TCF12: variants seen among roughly 807,000 people sequenced by gnomAD.
The protein encoded by TCF12 is DNA-binding protein HTF4.
Under a neutral mutation model 86.0 loss-of-function variants are expected in TCF12, and 45 were observed. The observed-to-expected ratio is 0.52, with a 90% CI of 0.41 to 0.67. TCF12 has a LOEUF of 0.67. Among genes scored for constraint, TCF12 ranks in the 30% least tolerant of loss-of-function variants. TCF12 has a pLI of 0.00. For synonymous variants in TCF12, 330 were observed against 299.6 expected (o/e 1.10, Z -1.05); for missense variants, 881 against 859.9 (o/e 1.02, Z -0.31).
chr15:57,017,984 A>C (rs1388057193), intron 3 of TCF12, among the ~76,000 whole-genome samples: 1 of 152,128 alleles, frequency 6.6e-6, no homozygotes, highest in Non-Finnish European at 1.5e-5. Flanking sequence ...TGTAAGAATC[A>C]CCCAGTGAGG....
chr15:57,125,005 CA>C (rs2051532124), intron 5 of TCF12, among the ~76,000 whole-genome samples: 1 of 152,158 alleles, frequency 6.6e-6, no homozygotes, highest in African/African-American at 2.4e-5. Flanking sequence ...GTGGTTGCAT[CA>C]ACCTGATTAT....
intron 8 of TCF12, chr15:57,219,369 G>A (rs1482693040): frequency 7.7e-7 from 1 of 1,292,656 alleles, no homozygotes; most frequent in Non-Finnish European, 9.9e-7. Flanking sequence ...TGCTCTGTGA[G>A]TTGGTTCAGT....
rs370432852 is a variant in TCF12, at chr15:57,208,749, C to T, written c.579+10924C>T. ...TTGAAACAGGAATTCAGTCTGTGGT[C>T]CAGGCTGGAGTACAGTGGTGCCATC... On this transcript the variant is annotated intron_variant, in intron 8 of 20. Coordinates refer to ENST00000333725, the MANE Select transcript of TCF12 (RefSeq NM_207037.2). Among the ~76,000 whole-genome samples, 3 of 151,140 alleles carry T rather than the reference C, an allele frequency of 2.0e-5. No individual in the cohort carries two copies. The East Asian group carries it at 5.9e-4, about 30-fold the overall frequency.
intron 5 of TCF12, among the ~76,000 whole-genome samples, chr15:57,147,840 G>T (rs2053464956): frequency 6.6e-6 from 1 of 151,588 alleles, no homozygotes; most frequent in African/African-American, 2.4e-5. Context: ...TTTTACCAAA[G>T]GTTACTGGCC....
intron 3 of TCF12, among the ~76,000 whole-genome samples, chr15:57,021,124 C>T (rs1457515958): frequency 6.6e-6 from 1 of 152,122 alleles, no homozygotes; most frequent in Non-Finnish European, 1.5e-5. Flanking sequence ...ATTATGAACA[C>T]GCTTACAGAA....
Position 57,273,265 on chromosome 15 carries a change from A to T in TCF12, c.1978+3A>T. The stretch of plus-strand genomic sequence containing the variant: ...TAGTCTAGAACAGCAAGTCAGAGGT[A>T]AGTAGGTTCAGCCGAGATGTATAAC... On this transcript the variant is annotated splice_donor_region_variant and intron_variant, in intron 19 of 20. Coordinates refer to ENST00000333725, the MANE Select transcript of TCF12 (RefSeq NM_207037.2). The T allele has an allele frequency of 3.1e-6, 5 of 1,613,920 alleles. No homozygotes were observed. Among genetic ancestry groups the T allele is most frequent in the Non-Finnish European group, 3.4e-6 (4 of 1,179,828 alleles).
intron 18 of TCF12, among the ~76,000 whole-genome samples, chr15:57,272,334 C>T (rs1178149946): frequency 2.0e-5 from 3 of 152,146 alleles, no homozygotes; most frequent in Admixed American, 6.5e-5. Context: ...GCTCTGGATT[C>T]GTTTTGCCAA....
At chr15:57,073,727 A>G (rs887147539) in intron 4 of TCF12, among the ~76,000 whole-genome samples, 2 of 152,130 alleles carry the variant, frequency 1.3e-5, no homozygotes, top group African/African-American at 2.4e-5. Flanking sequence ...CTTGAAGGAC[A>G]GAGTCACTAG....
chr15:57,183,830 C>T (rs769342688), intron 6 of TCF12, among the ~76,000 whole-genome samples: 2 of 152,094 alleles, frequency 1.3e-5, no homozygotes. Flanking sequence ...ATAATTTGTT[C>T]AAGATTACCA....
chr15:57,051,877 A>C (rs1567323780), intron 3 of TCF12, among the ~76,000 whole-genome samples: 1 of 152,088 alleles, frequency 6.6e-6, no homozygotes. Flanking sequence ...CAGTTTTCCC[A>C]TTGCCATTTT....
At chr15:57,182,613 A>G (rs1444450919) in intron 6 of TCF12, among the ~76,000 whole-genome samples, 1 of 152,166 alleles carries the variant, frequency 6.6e-6, no homozygotes, top group Non-Finnish European at 1.5e-5. Context: ...TTCTGTGATT[A>G]GGACAGCTGA....
chr15:56,941,476 A>T (rs1480595712), intron 3 of TCF12, among the ~76,000 whole-genome samples: 1 of 151,254 alleles, frequency 6.6e-6, no homozygotes, highest in Non-Finnish European at 1.5e-5. Flanking sequence ...AGGTTCTAGC[A>T]ATTCTCCTGC....
chr15:57,178,887 C>T (rs2615251), intron 6 of TCF12, among the ~76,000 whole-genome samples: 10,270 of 152,132 alleles, frequency 0.068, 1,044 homozygotes, highest in African/African-American at 0.22. Flanking sequence ...TGTAATTATT[C>T]AAATATTGCA....
intron 6 of TCF12, among the ~76,000 whole-genome samples, chr15:57,186,460 C>T (rs1174227969): frequency 6.6e-6 from 1 of 152,182 alleles, no homozygotes; most frequent in Non-Finnish European, 1.5e-5. Flanking sequence ...CATTGAGCCA[C>T]TGCACTTCAG....
intron 6 of TCF12, among the ~76,000 whole-genome samples, chr15:57,174,073 T>C (rs1213456996): frequency 6.6e-6 from 1 of 152,188 alleles, no homozygotes; most frequent in Non-Finnish European, 1.5e-5. Flanking sequence ...AAGGGTCATA[T>C]GGCTTCTTTC....
chr15:57,226,432 C>G (rs2058882415), intron 8 of TCF12, among the ~76,000 whole-genome samples: 2 of 151,954 alleles, frequency 1.3e-5, no homozygotes, highest in Non-Finnish European at 2.9e-5. Flanking sequence ...AATATAATTT[C>G]TGTTATTGGC....
intron 4 of TCF12, among the ~76,000 whole-genome samples, chr15:57,064,465 T>C (rs1367933699): frequency 1.3e-5 from 2 of 152,114 alleles, no homozygotes; most frequent in Admixed American, 6.6e-5. Context: ...AGCACTCTGC[T>C]CCCAGACTTT....
intron 18 of TCF12, among the ~76,000 whole-genome samples, chr15:57,263,600 G>A (rs17820119): frequency 0.04 from 6,112 of 152,214 alleles, 373 homozygotes; most frequent in Admixed American, 0.17. Context: ...CATGTGGTAC[G>A]GACATTTAGA....
At chr15:57,035,464 A>C (rs1315474924) in intron 3 of TCF12, among the ~76,000 whole-genome samples, 1 of 152,092 alleles carries the variant, frequency 6.6e-6, no homozygotes, top group Non-Finnish European at 1.5e-5. Flanking sequence ...ACGGGATCTC[A>C]CTATGTTGTG....
Sources: allele counts gnomAD v4.1 joint callset (sites outside exome capture counted in the v4.1 genomes callset), GRCh38; gene constraint gnomAD v4.1.1; transcripts MANE v1.5; gene names NCBI Gene and HGNC (gene_info 2026-07-23, HGNC 2026-07-21).